The following SHISA9 variants were observed in gnomAD, a reference collection of about 807,000 sequenced individuals.
SHISA9 encodes the protein shisa family member 9.
Under a neutral mutation model 38.0 loss-of-function variants are expected in SHISA9, and 13 were observed. The ratio of observed to expected loss-of-function variants is 0.34; its 90% CI spans 0.22 to 0.54. The LOEUF is 0.54. Ranked by LOEUF, SHISA9 falls within the 20% of genes least tolerant of loss-of-function variation. SHISA9 has a pLI of 0.91. For synonymous variants in SHISA9, 275 were observed against 242.0 expected, an observed-to-expected ratio of 1.14 and a Z score of -1.27; for missense variants, 538 against 575.8, an observed-to-expected ratio of 0.93 and a Z score of 0.67.
the SHISA9 span, among the ~76,000 whole-genome samples, chr16:13,432,585 G>A: frequency 1.1e-4 from 17 of 152,134 alleles, 1 homozygote; most frequent in Admixed American, 9.8e-4. Flanking sequence ...CTGTTAGTTT[G>A]TTTTTGCTTT....
chr16:13,206,826 A>G (rs1473049570), intron 3 of SHISA9, among the ~76,000 whole-genome samples: 1 of 152,144 alleles, frequency 6.6e-6, no homozygotes, highest in African/African-American at 2.4e-5. Context: ...GCCTGTTTGC[A>G]CAGCATATGC....
chr16:13,084,275 C>A (rs997185578), intron 2 of SHISA9, among the ~76,000 whole-genome samples: 5 of 152,330 alleles, frequency 3.3e-5, no homozygotes, highest in African/African-American at 1.2e-4. Flanking sequence ...AAATCTCATT[C>A]TGCTGCTTCT....
At chr16:13,159,330 G>T (rs892661537) in intron 2 of SHISA9, among the ~76,000 whole-genome samples, 1 of 152,178 alleles carries the variant, frequency 6.6e-6, no homozygotes, top group Non-Finnish European at 1.5e-5. Flanking sequence ...TTCTGGGGTG[G>T]TTCCCAGAAG....
the SHISA9 span, among the ~76,000 whole-genome samples, chr16:13,536,148 G>A: frequency 6.6e-6 from 1 of 152,022 alleles, no homozygotes; most frequent in African/African-American, 2.4e-5. Context: ...ACAGGCACGT[G>A]CCACCACCCC....
chr16:13,137,217 G>T (rs182913473), intron 2 of SHISA9, among the ~76,000 whole-genome samples: 3 of 152,134 alleles, frequency 2.0e-5, no homozygotes, highest in Non-Finnish European at 4.4e-5. Context: ...CTCTGAAATG[G>T]GAGGCAGATA....
At chr16:13,316,704 T>C in the SHISA9 span, among the ~76,000 whole-genome samples, 4 of 152,312 alleles carry the variant, frequency 2.6e-5, no homozygotes, top group South Asian at 8.3e-4. Context: ...CCAGAGATGA[T>C]AAAATGTGGT....
At chr16:13,507,275 G>A in the SHISA9 span, among the ~76,000 whole-genome samples, 3 of 152,002 alleles carry the variant, frequency 2.0e-5, no homozygotes, top group Non-Finnish European at 4.4e-5. Context: ...CCAAAGTCAA[G>A]GTCATCCCAA....
chr16:13,083,340 G>C (rs1413546820), intron 2 of SHISA9, among the ~76,000 whole-genome samples: 1 of 152,182 alleles, frequency 6.6e-6, no homozygotes, highest in Non-Finnish European at 1.5e-5. Flanking sequence ...GCATCATTGT[G>C]CGAATAGTTG....
At chr16:12,909,054 A>G (rs2071144880) in intron 1 of SHISA9, 2 of 996,788 alleles carry the variant, frequency 2.0e-6, no homozygotes, top group Non-Finnish European at 2.4e-6. Flanking sequence ...TCATCTTTCT[A>G]TGCATTTGTG....
chr16:13,017,457 A>G (rs1195999054), intron 2 of SHISA9, among the ~76,000 whole-genome samples: 1 of 152,224 alleles, frequency 6.6e-6, no homozygotes, highest in Non-Finnish European at 1.5e-5. Context: ...CAAAATTGTT[A>G]AGCAATTTGC....
At chr16:13,539,358 T>TATATAA in the SHISA9 span, among the ~76,000 whole-genome samples, 141 of 65,256 alleles carry the variant, frequency 2.2e-3, 5 homozygotes, top group Admixed American at 6.4e-3. Context: ...TATATATATA[T>TATATAA]AAAGACAGGA....
At chr16:13,531,177 A>G in the SHISA9 span, among the ~76,000 whole-genome samples, 1 of 152,146 alleles carries the variant, frequency 6.6e-6, no homozygotes, top group Admixed American at 6.5e-5. Flanking sequence ...TTGCAATTTC[A>G]ATTATTGTAC....
the SHISA9 span, among the ~76,000 whole-genome samples, chr16:13,303,056 T>C: frequency 6.6e-6 from 1 of 152,168 alleles, no homozygotes; most frequent in Non-Finnish European, 1.5e-5. Flanking sequence ...TGTAGCAGCG[T>C]GGAAACAGAC....
intron 2 of SHISA9, among the ~76,000 whole-genome samples, chr16:13,111,650 T>C (rs1211765730): frequency 6.6e-6 from 1 of 152,248 alleles, no homozygotes; most frequent in Non-Finnish European, 1.5e-5. Context: ...AAGATAATTT[T>C]CTTTTTGGAG....
the SHISA9 span, among the ~76,000 whole-genome samples, chr16:13,513,426 G>A: frequency 9.6e-4 from 146 of 152,294 alleles, no homozygotes; most frequent in African/African-American, 3.1e-3. Flanking sequence ...CAAAGACAGC[G>A]CAGCAATTCC....
intron 2 of SHISA9, among the ~76,000 whole-genome samples, chr16:13,181,310 T>TAC (rs149783109): frequency 6.1e-4 from 20 of 32,990 alleles, no homozygotes; most frequent in East Asian, 1.4e-3. Flanking sequence ...TATATATATA[T>TAC]ATACACACAC....
intron 2 of SHISA9, among the ~76,000 whole-genome samples, chr16:12,962,423 C>T (rs2071923350): frequency 6.6e-6 from 1 of 152,186 alleles, no homozygotes; most frequent in Non-Finnish European, 1.5e-5. Context: ...TTGGGTCTTC[C>T]TGCAAATTCA....
At position 12,982,554 on chromosome 16, in the gene SHISA9, G is replaced by A. The variant is rs754536331; in HGVS notation, c.691+65739G>A. Among the ~76,000 whole-genome samples the A allele has an allele frequency of 2.0e-4, 30 of 152,136 alleles. 1 individual carries two copies. The highest frequency in any genetic ancestry group is 4.1e-4 in the Non-Finnish European group (28 of 68,038). ...CTCCCATTTTACCCAATTCCCTGAA[G>A]TCCCCCAGCAGGGCATGCATGGTAC... On this transcript the variant is annotated intron_variant, in intron 2 of 4. Transcript: ENST00000558583.
At chr16:13,295,389 G>A in the SHISA9 span, among the ~76,000 whole-genome samples, 4 of 152,136 alleles carry the variant, frequency 2.6e-5, no homozygotes, top group Admixed American at 1.3e-4. Context: ...CTACCCTTCT[G>A]GAAAAGTACT....
Sources: allele counts gnomAD v4.1 joint callset (sites outside exome capture counted in the v4.1 genomes callset), GRCh38; gene constraint gnomAD v4.1.1; transcripts MANE v1.5; gene names NCBI Gene and HGNC (gene_info 2026-07-23, HGNC 2026-07-21).